The following NDUFC2 variants were observed in gnomAD, a reference collection of about 807,000 sequenced individuals.
The protein encoded by NDUFC2 is NADH:ubiquinone oxidoreductase subunit C2.
A neutral mutation model predicts 10.1 loss-of-function variants in NDUFC2; 2 were observed. That is an observed-to-expected ratio of 0.20 (90% confidence interval 0.08 to 0.62). NDUFC2 has a LOEUF of 0.62. NDUFC2 is among the 20% of genes least tolerant of loss of function. The probability of loss-of-function intolerance (pLI) is 0.87; values close to 1 mark genes in which losing one functional copy is unlikely to be tolerated. For synonymous variants in NDUFC2, 61 were observed against 63.6 expected (o/e 0.96, Z 0.20); for missense variants, 156 against 159.6 (o/e 0.98, Z 0.12).
At chr11:78,072,604 T>C (rs1489764170) in intron 2 of NDUFC2, among the ~76,000 whole-genome samples, 1 of 152,096 alleles carries the variant, frequency 6.6e-6, no homozygotes, top group African/African-American at 2.4e-5. Context: ...ACCAGGGTAG[T>C]GGTAGTGGGA....
chr11:78,079,850 G>C lies in NDUFC2; in HGVS notation c.-106C>G. 1 of 1,439,278 alleles carries C rather than the reference G, an allele frequency of 6.9e-7. No individual in the cohort carries two copies. Among genetic ancestry groups the C allele is most frequent in the Non-Finnish European group, 9.2e-7 (1 of 1,089,250 alleles). 89.2% of individuals were successfully genotyped at this position (1,439,278 alleles called of 1,614,324 possible). A position where few individuals can be genotyped will look rare whatever the true frequency, so the allele number is the denominator to read the frequency against. On this transcript the variant is annotated 5_prime_UTR_variant, in exon 1 of 3. Coordinates refer to ENST00000281031, the MANE Select transcript of NDUFC2 (RefSeq NM_004549.6). Reference sequence around the variant, plus strand: ...GCGGTCAGCTTTCTCCTCCTCCTCTGCGCGCCGGACTCACGGGCACGGCGC... The same window carrying C: ...GCGGTCAGCTTTCTCCTCCTCCTCTCCGCGCCGGACTCACGGGCACGGCGC...
At position 78,079,800 on chromosome 11, in the gene NDUFC2, C is replaced by T; in HGVS notation, c.-56G>A. On this transcript the variant is annotated 5_prime_UTR_variant, in exon 1 of 3. Coordinates refer to ENST00000281031, the MANE Select transcript of NDUFC2 (RefSeq NM_004549.6). Reference sequence around the variant, plus strand: ...TCAGACCACGAACTACAAGGAAAACCACGACGACCACTACCCCGGCCTAAG... The same window carrying T: ...TCAGACCACGAACTACAAGGAAAACTACGACGACCACTACCCCGGCCTAAG... 1 of 1,547,502 alleles carries T rather than the reference C, an allele frequency of 6.5e-7. No individual in the cohort carries two copies. Among genetic ancestry groups the T allele is most frequent in the Non-Finnish European group, 8.7e-7 (1 of 1,152,198 alleles).
rs1237293491 is a variant in NDUFC2, at chr11:78,069,707, CT to C, written c.*279del. ...TGAGCATGGCTGTGTTCCAATGAGA[CT>C]TTATTGGCAGTGGGCCAGATTTGGG... is the stretch of plus-strand genomic sequence containing the variant. On this transcript the variant is annotated 3_prime_UTR_variant, in exon 3 of 3. Coordinates refer to ENST00000281031, the MANE Select transcript of NDUFC2 (RefSeq NM_004549.6). 1.6e-6 allele frequency: 1 copy of C among 632,758 alleles called. No homozygotes were observed. The highest frequency in any genetic ancestry group is 2.7e-6 in the Non-Finnish European group (1 of 370,260). 39.2% of individuals were successfully genotyped at this position (632,758 alleles called of 1,614,324 possible). A position where few individuals can be genotyped will look rare whatever the true frequency, so the allele number is the denominator to read the frequency against.
At chr11:78,070,939 G>T (rs1353229702) in intron 2 of NDUFC2, among the ~76,000 whole-genome samples, 1 of 152,204 alleles carries the variant, frequency 6.6e-6, no homozygotes, top group Non-Finnish European at 1.5e-5. Flanking sequence ...TGAGACTGAA[G>T]ACTCCTCAAG....
chr11:78,072,730 G>A (rs992494366), intron 2 of NDUFC2: 3 of 523,010 alleles, frequency 5.7e-6, no homozygotes, highest in African/African-American at 3.9e-5. Flanking sequence ...TGAGTGTCCA[G>A]GTGGACAGTA....
chr11:78,075,788 T>C (rs1859223825), intron 1 of NDUFC2, among the ~76,000 whole-genome samples: 2 of 152,150 alleles, frequency 1.3e-5, no homozygotes, highest in Non-Finnish European at 2.9e-5. Flanking sequence ...AAAGTTTCCC[T>C]GTGTTTCCCA....
intron 1 of NDUFC2, among the ~76,000 whole-genome samples, chr11:78,076,769 G>A (rs1021478815): frequency 2.0e-5 from 3 of 152,248 alleles, no homozygotes; most frequent in Middle Eastern, 6.8e-3. Flanking sequence ...AGGCACAAAC[G>A]GCTAAACTAA....
chr11:78,074,120 T>TC (rs1413963136), intron 1 of NDUFC2, among the ~76,000 whole-genome samples: 2 of 151,090 alleles, frequency 1.3e-5, no homozygotes, highest in Non-Finnish European at 2.9e-5. Flanking sequence ...GCTCAAGCGA[T>TC]CCCCCTGCCT....
intron 1 of NDUFC2, among the ~76,000 whole-genome samples, chr11:78,075,476 C>T (rs1337544908): frequency 1.3e-5 from 2 of 152,112 alleles, no homozygotes; most frequent in Non-Finnish European, 2.9e-5. Context: ...CCCCAAAATA[C>T]GTACAACTTA....
At chr11:78,072,086 G>A (rs964154115) in intron 2 of NDUFC2, among the ~76,000 whole-genome samples, 2 of 152,208 alleles carry the variant, frequency 1.3e-5, no homozygotes, top group African/African-American at 2.4e-5. Context: ...TCTACCAGAG[G>A]ACAGGCAATT....
chr11:78,078,035 A>C (rs968209845), intron 1 of NDUFC2, among the ~76,000 whole-genome samples: 2 of 152,206 alleles, frequency 1.3e-5, no homozygotes, highest in Non-Finnish European at 1.5e-5. Context: ...ATAGGACTTC[A>C]ATACTATTTG....
Position 78,069,734 on chromosome 11 carries a change from T to C in NDUFC2, c.*253A>G. 1.3e-6 allele frequency: 1 copy of C among 742,746 alleles called. No individual in the cohort carries two copies. Among genetic ancestry groups the C allele is most frequent in the Non-Finnish European group, 2.2e-6 (1 of 460,240 alleles). 46.0% of individuals were successfully genotyped at this position (742,746 alleles called of 1,614,324 possible). ...TTATTGGCAGTGGGCCAGATTTGGG[T>C]AGTCTGCTAACTCTAAACTAGAATT... On this transcript the variant is annotated 3_prime_UTR_variant, in exon 3 of 3. Coordinates refer to ENST00000281031, the MANE Select transcript of NDUFC2 (RefSeq NM_004549.6).
intron 1 of NDUFC2, among the ~76,000 whole-genome samples, chr11:78,078,201 C>T (rs1360408949): frequency 6.6e-6 from 1 of 152,202 alleles, no homozygotes; most frequent in Non-Finnish European, 1.5e-5. Flanking sequence ...CTCCAATCAA[C>T]GCCTCACATT....
chr11:78,071,474 G>A (rs922509208), intron 2 of NDUFC2, among the ~76,000 whole-genome samples: 1 of 151,914 alleles, frequency 6.6e-6, no homozygotes, highest in South Asian at 2.1e-4. Flanking sequence ...CGAGACTGGG[G>A]AAAATCTATT....
chr11:78,069,123 ATGCAATCTGCCC>A lies in NDUFC2; in HGVS notation c.*852_*863del, dbSNP rs1858879136. ...AAGTTGGTCTCGAACTCCTGGGCTCATGCAATCTGCCCTGCCTCAGCCTCTCAAAGTGCTGGG... is the reference window on the plus strand; with the variant it reads ...AAGTTGGTCTCGAACTCCTGGGCTCATGCCTCAGCCTCTCAAAGTGCTGGG... On this transcript the variant is annotated 3_prime_UTR_variant, in exon 3 of 3. Transcript: ENST00000281031. The A allele has an allele frequency of 6.6e-6, 1 of 152,226 alleles. No individual in the cohort carries two copies. The highest frequency in any genetic ancestry group is 2.4e-5 in the African/African-American group (1 of 41,450). The allele number at this position is 152,226 out of a possible 1,614,324, so 9.4% of individuals were successfully genotyped here.
intron 1 of NDUFC2, among the ~76,000 whole-genome samples, chr11:78,075,243 A>G (rs1008862978): frequency 2.0e-4 from 31 of 152,220 alleles, no homozygotes; most frequent in African/African-American, 7.2e-4. Context: ...GTTTTAAAAA[A>G]CAGATGATGA....
chr11:78,076,834 G>A (rs947204232), intron 1 of NDUFC2, among the ~76,000 whole-genome samples: 1 of 152,140 alleles, frequency 6.6e-6, no homozygotes, highest in Non-Finnish European at 1.5e-5. Flanking sequence ...ACTTCCTCTA[G>A]AGCATTCTCC....
chr11:78,076,462 AC>A (rs1430547639), intron 1 of NDUFC2, among the ~76,000 whole-genome samples: 1 of 152,144 alleles, frequency 6.6e-6, no homozygotes, highest in East Asian at 1.9e-4. Context: ...CTTACTGAAC[AC>A]CTACTATAGA....
Position 78,076,245 on chromosome 11 carries a change from A to G in NDUFC2, c.167-3104T>C, listed in dbSNP as rs576379958. On this transcript the variant is annotated intron_variant, in intron 1 of 2. Transcript: ENST00000281031. The stretch of plus-strand genomic sequence containing the variant: ...AAATCTCCACCTCCCAGGTTCAAGC[A>G]ATTCTCCAGCCTCTGCCTCCCGAGT... Among the ~76,000 whole-genome samples, 81 of 152,216 alleles carry G rather than the reference A, an allele frequency of 5.3e-4. No individual in the cohort carries two copies. The South Asian group carries it at 0.012, about 22-fold the overall frequency.
Sources: gnomAD v4.1 joint callset for allele counts (sites outside exome capture counted in the v4.1 genomes callset) on GRCh38, gnomAD v4.1.1 for gene constraint, MANE v1.5 for transcripts, NCBI Gene and HGNC (gene_info 2026-07-23, HGNC 2026-07-21) for gene names.